Variants in LAMA4 observed in about 807,000 individuals in gnomAD.
The protein encoded by LAMA4 is laminin subunit alpha-4.
Under a neutral mutation model 207.1 loss-of-function variants are expected in LAMA4, and 127 were observed. The observed-to-expected ratio is 0.61, with a 90% CI of 0.53 to 0.71. The LOEUF (loss-of-function observed/expected upper bound fraction) is 0.71, where lower values mean the gene tolerates loss of function less well. LAMA4 is among the 30% of genes least tolerant of loss of function. The pLI is 0.00. For missense variants in LAMA4, 2,093 were observed against 2,246.5 expected, an observed-to-expected ratio of 0.93 and a Z score of 1.38; for synonymous variants, 761 against 816.0, an observed-to-expected ratio of 0.93 and a Z score of 1.15.
intron 31 of LAMA4, among the ~76,000 whole-genome samples, chr6:112,124,750 TA>T (rs1286701831): frequency 3.4e-5 from 5 of 148,330 alleles, no homozygotes; most frequent in Admixed American, 6.7e-5. Flanking sequence ...TATAAGGATA[TA>T]GGGGTATCTT....
intron 38 of LAMA4, among the ~76,000 whole-genome samples, chr6:112,110,876 T>G (rs1777649504): frequency 6.6e-6 from 1 of 152,190 alleles, no homozygotes; most frequent in Non-Finnish European, 1.5e-5. Context: ...GACAGTACAG[T>G]GCCCTAGGAT....
At chr6:112,123,414 A>G (rs1778492671) in intron 31 of LAMA4, among the ~76,000 whole-genome samples, 1 of 152,212 alleles carries the variant, frequency 6.6e-6, no homozygotes, top group Non-Finnish European at 1.5e-5. Context: ...CTATATACAT[A>G]AAAATAAATC....
intron 3 of LAMA4, among the ~76,000 whole-genome samples, chr6:112,209,807 T>C (rs1222297285): frequency 6.6e-6 from 1 of 152,112 alleles, no homozygotes; most frequent in Non-Finnish European, 1.5e-5. Flanking sequence ...AAAGGTATGT[T>C]GTTGTGAGGT....
chr6:112,132,675 A>T lies in LAMA4; in HGVS notation c.3834+78T>A, dbSNP rs1779106469. ...TTAATCTGAATAGAAAATCACTTCT[A>T]ACATGCATTACAAATTATTTTTAAT... On this transcript the variant is annotated intron_variant, in intron 28 of 38. Transcript: ENST00000230538. The T allele has an allele frequency of 3.0e-6, 4 of 1,351,360 alleles. No individual in the cohort carries two copies. In the Admixed American group the frequency reaches 7.1e-5, roughly 24 times the overall value. The allele number at this position is 1,351,360 out of a possible 1,614,324, so 83.7% of individuals were successfully genotyped here.
Position 112,119,617 on chromosome 6 carries a change from T to C in LAMA4, c.4666-306A>G, listed in dbSNP as rs1446822417. ...TGCTTTATATGCATAGGTGTATTTT[T>C]TTCATGATCATCTTCCATTTACCAC... is the stretch of plus-strand genomic sequence containing the variant. On this transcript the variant is annotated intron_variant, in intron 33 of 38. Transcript: ENST00000230538. Among the ~76,000 whole-genome samples, 277 of 152,220 alleles carry C rather than the reference T, an allele frequency of 1.8e-3. 3 individuals are homozygous for C. Among genetic ancestry groups the C allele is most frequent in the Non-Finnish European group, 7.3e-5 (5 of 68,034 alleles).
Position 112,187,587 on chromosome 6 carries a change from C to T in LAMA4, c.829G>A (p.Val277Ile), listed in dbSNP as rs146225813. ...DCPTISCDKC[V>I]WDLTDDLRLA... ...CGCAGGTCATCAGTCAGGTCCCAGA[C>T]GCACTTATCACAGCCTGGAGGTGAA... is the stretch of plus-strand genomic sequence containing the variant. Residue 277 changes from valine to isoleucine, a missense_variant, in exon 8 of 39, where the codon GTC (valine) becomes ATC (isoleucine). By Grantham distance (29) the Val-to-Ile change is conservative. Coordinates refer to ENST00000230538, the MANE Select transcript of LAMA4 (RefSeq NM_001105206.3). The T allele has an allele frequency of 1.1e-4, 180 of 1,613,862 alleles. No individual in the cohort carries two copies. The highest frequency in any genetic ancestry group is 1.4e-4 in the Non-Finnish European group (169 of 1,179,968).
At chr6:112,130,300 TTGTGTGTGTGTGTGTGTG>T (rs35563593) in intron 29 of LAMA4, 12 of 382,138 alleles carry the variant, frequency 3.1e-5, no homozygotes, top group Non-Finnish European at 4.9e-5. Flanking sequence ...AGCATTATTT[TTGTGTGTGTGTGTGTGTG>T]TGTGTGTGTG....
At chr6:112,232,483 T>A (rs1329593940) in intron 2 of LAMA4, among the ~76,000 whole-genome samples, 1 of 152,230 alleles carries the variant, frequency 6.6e-6, no homozygotes, top group African/African-American at 2.4e-5. Context: ...TGTGAAATAC[T>A]ATTTAATGTA....
At chr6:112,124,759 CTT>C (rs36097503) in intron 31 of LAMA4, among the ~76,000 whole-genome samples, 7,771 of 140,406 alleles carry the variant, frequency 0.055, 654 homozygotes, top group African/African-American at 0.19. Context: ...ATAGGGGTAT[CTT>C]TTTTTTTTTT....
At chr6:112,174,671 T>C (rs1781917347) in intron 11 of LAMA4, among the ~76,000 whole-genome samples, 1 of 152,084 alleles carries the variant, frequency 6.6e-6, no homozygotes, top group Non-Finnish European at 1.5e-5. Context: ...TTTTGTATTT[T>C]TAGTAGAGAT....
chr6:112,141,370 A>G lies in LAMA4; in HGVS notation c.2801T>C (p.Val934Ala). The change falls in exon 21 of 39, where the codon GTC (valine) becomes GCC (alanine). Residue 934 changes from valine (V) to alanine (A), a missense_variant. Val to Ala is a moderately conservative substitution (Grantham distance 64). This residue lies in a region of LAMA4 where 1,704 missense variants were observed against 1,788.4 expected (regional missense o/e 0.95). Coordinates refer to ENST00000230538, the MANE Select transcript of LAMA4 (RefSeq NM_001105206.3). ...VSSWPAYFSI[V>A]KIERVGKHGK... ...GGATTCACTGTACCTTTCAATCTTG[A>G]CAATGCTGAAGTAAGCAGGCCAGGA... The G allele has an allele frequency of 6.2e-7, 1 of 1,614,144 alleles. No individual in the cohort carries two copies. Among genetic ancestry groups the G allele is most frequent in the Non-Finnish European group, 8.5e-7 (1 of 1,179,994 alleles).
At chr6:112,208,174 A>G (rs1231636402) in intron 3 of LAMA4, among the ~76,000 whole-genome samples, 1 of 152,114 alleles carries the variant, frequency 6.6e-6, no homozygotes, top group African/African-American at 2.4e-5. Flanking sequence ...TTATACTGTT[A>G]GAATGTCATT....
Position 112,248,498 on chromosome 6 carries a change from C to CAA in LAMA4, c.195+5456_195+5457dup, listed in dbSNP as rs550634848. Among the ~76,000 whole-genome samples, 773 of 102,864 alleles carry CAA rather than the reference C, an allele frequency of 7.5e-3. 7 individuals are homozygous for CAA. Among genetic ancestry groups the CAA allele is most frequent in the African/African-American group, 0.013 (363 of 27,394 alleles). The allele number at this position is 102,864 out of a possible 152,430, so 67.5% of individuals were successfully genotyped here. ...TGGGTGACAGAGGGAGACTCTGTCT[C>CAA]AAAAAAAAAAAAAAAAAAAGTTCAA... On this transcript the variant is annotated intron_variant, in intron 2 of 38. Coordinates refer to ENST00000230538, the MANE Select transcript of LAMA4 (RefSeq NM_001105206.3).
At chr6:112,172,995 G>A (rs1021859514) in intron 11 of LAMA4, among the ~76,000 whole-genome samples, 191 bp from the exon 12 acceptor site, 1 of 152,176 alleles carries the variant, frequency 6.6e-6, no homozygotes, top group Non-Finnish European at 1.5e-5. Context: ...GAGTTTGGGA[G>A]TCCCTGGATA....
chr6:112,122,713 G>A (rs797023770), intron 31 of LAMA4, among the ~76,000 whole-genome samples: 23 of 152,296 alleles, frequency 1.5e-4, no homozygotes, highest in African/African-American at 5.5e-4. Flanking sequence ...TTATGTGACA[G>A]GATATAAAAC....
At chr6:112,188,848 CT>C (rs1782847033) in intron 7 of LAMA4, 1 of 426,054 alleles carries the variant, frequency 2.3e-6, no homozygotes, top group Non-Finnish European at 4.3e-6. Context: ...CTGACTTTGC[CT>C]TTAGCCATTA....
intron 5 of LAMA4, among the ~76,000 whole-genome samples, chr6:112,198,166 C>T (rs994682925): frequency 6.6e-6 from 1 of 152,160 alleles, no homozygotes; most frequent in African/African-American, 2.4e-5. Flanking sequence ...AAATACAGGT[C>T]CTGGGCCTCA....
intron 28 of LAMA4, among the ~76,000 whole-genome samples, chr6:112,132,332 A>G (rs1779084176): frequency 6.6e-6 from 1 of 152,178 alleles, no homozygotes; most frequent in South Asian, 2.1e-4. Flanking sequence ...CAAAAATGAC[A>G]TTCTGAGATT....
At position 112,172,824 on chromosome 6, in the gene LAMA4, A is replaced by G. The variant is rs1554342438; in HGVS notation, c.1358-20T>C. 1 of 1,607,610 alleles carries G rather than the reference A, an allele frequency of 6.2e-7. No homozygotes were observed. Among genetic ancestry groups the G allele is most frequent in the South Asian group, 1.1e-5 (1 of 90,626 alleles). On this transcript the variant is annotated intron_variant, in intron 11 of 38. Transcript: ENST00000230538. ...TCAGTACTGGGAAGAAATGGAGATAAAGGCTCAGTGTGGCTTTCTCCTGTT... is the reference window on the plus strand; with the variant it reads ...TCAGTACTGGGAAGAAATGGAGATAGAGGCTCAGTGTGGCTTTCTCCTGTT...
Sources: allele counts gnomAD v4.1 joint callset (sites outside exome capture counted in the v4.1 genomes callset), GRCh38; gene constraint gnomAD v4.1.1; regional missense constraint gnomAD v4.1.1; transcripts MANE v1.5; gene names NCBI Gene and HGNC (gene_info 2026-07-23, HGNC 2026-07-21).